The following GMDS variants were observed in gnomAD, a reference collection of about 807,000 sequenced individuals.
The protein encoded by GMDS is GDP-mannose 4,6 dehydratase.
In GMDS, 20 loss-of-function variants were observed where a neutral mutation model predicts 49.9. That is an observed-to-expected ratio of 0.40 (90% CI 0.28 to 0.58). The LOEUF is 0.58. GMDS is among the 20% of genes least tolerant of loss of function. The probability of loss-of-function intolerance (pLI) is 0.42; values close to 1 mark genes in which losing one functional copy is unlikely to be tolerated. For synonymous variants in GMDS, 177 were observed against 178.6 expected (o/e 0.99, Z 0.07); for missense variants, 362 against 481.4 (o/e 0.75, Z 2.32).
chr6:1,678,472 G>A (rs563914669), intron 9 of GMDS, among the ~76,000 whole-genome samples: 59 of 152,326 alleles, frequency 3.9e-4, no homozygotes, highest in African/African-American at 1.3e-3. Context: ...AGGAAGAGCT[G>A]CTGATTTTCA....
chr6:2,218,461 G>A (rs529766836), intron 1 of GMDS, among the ~76,000 whole-genome samples: 3 of 152,260 alleles, frequency 2.0e-5, no homozygotes, highest in East Asian at 1.9e-4. Context: ...CAGATCATCC[G>A]TAAATTACAA....
intron 1 of GMDS, among the ~76,000 whole-genome samples, chr6:2,241,251 T>C (rs905502572): frequency 8.5e-5 from 13 of 152,200 alleles, no homozygotes; most frequent in African/African-American, 3.1e-4. Context: ...ACAACCATTG[T>C]ATCTTGGAAA....
chr6:2,015,333 A>T (rs935745819), intron 4 of GMDS, among the ~76,000 whole-genome samples: 2 of 152,222 alleles, frequency 1.3e-5, no homozygotes, highest in Admixed American at 6.5e-5. Flanking sequence ...AAAAACAGAA[A>T]TTAAACTGTG....
At position 2,029,191 on chromosome 6, in the gene GMDS, C is replaced by T. The variant is rs891825540; in HGVS notation, c.346-68225G>A. Among the ~76,000 whole-genome samples, 3 of 152,056 alleles carry T rather than the reference C, an allele frequency of 2.0e-5. No homozygotes were observed. The South Asian group carries it at 6.2e-4, about 31-fold the overall frequency. On this transcript the variant is annotated intron_variant, in intron 4 of 10. Coordinates refer to ENST00000380815, the MANE Select transcript of GMDS (RefSeq NM_001500.4). ...ATCTAAATTTAATTGTGGACATCAC[C>T]TTTTGGCTTCTTCCATCTCTGCCTG...
At chr6:1,654,511 G>A (rs1187375860) in intron 9 of GMDS, among the ~76,000 whole-genome samples, 1 of 152,192 alleles carries the variant, frequency 6.6e-6, no homozygotes, top group African/African-American at 2.4e-5. Context: ...AGCCCATTAT[G>A]AAAAGACAAA....
At chr6:1,753,209 A>G (rs1362609734) in intron 7 of GMDS, among the ~76,000 whole-genome samples, 1 of 152,214 alleles carries the variant, frequency 6.6e-6, no homozygotes, top group African/African-American at 2.4e-5. Context: ...GCAAATGGAA[A>G]GCAAAAAAGA....
chr6:1,814,677 A>G (rs1770582165), intron 7 of GMDS, among the ~76,000 whole-genome samples: 1 of 152,208 alleles, frequency 6.6e-6, no homozygotes, highest in Non-Finnish European at 1.5e-5. Flanking sequence ...TATTTGACTG[A>G]TAACTTAAAA....
At chr6:2,101,653 C>T (rs1773932229) in intron 4 of GMDS, among the ~76,000 whole-genome samples, 1 of 151,904 alleles carries the variant, frequency 6.6e-6, no homozygotes, top group South Asian at 2.1e-4. Flanking sequence ...ATGTGTTTAT[C>T]TAAAATAAAG....
intron 9 of GMDS, among the ~76,000 whole-genome samples, chr6:1,634,815 G>A (rs958474465): frequency 2.0e-5 from 3 of 152,144 alleles, no homozygotes; most frequent in Non-Finnish European, 4.4e-5. Context: ...GCCTGGACAC[G>A]AGGGGTGGGG....
intron 7 of GMDS, among the ~76,000 whole-genome samples, chr6:1,840,510 G>C (rs2113745270): frequency 6.6e-6 from 1 of 152,330 alleles, no homozygotes; most frequent in East Asian, 1.9e-4. Context: ...AGGAAAACAG[G>C]AGCATGTATT....
intron 7 of GMDS, among the ~76,000 whole-genome samples, chr6:1,773,685 G>A (rs1263516903): frequency 6.6e-6 from 1 of 152,218 alleles, no homozygotes; most frequent in Admixed American, 6.5e-5. Context: ...GTCTGACACA[G>A]GAATTCTAAC....
intron 1 of GMDS, among the ~76,000 whole-genome samples, chr6:2,151,971 G>T (rs1776867147): frequency 6.6e-6 from 1 of 151,992 alleles, no homozygotes; most frequent in Non-Finnish European, 1.5e-5. Flanking sequence ...GCCTAAACTG[G>T]CATTTGCTAA....
At chr6:1,800,280 A>G (rs1769897195) in intron 7 of GMDS, among the ~76,000 whole-genome samples, 1 of 152,204 alleles carries the variant, frequency 6.6e-6, no homozygotes. Flanking sequence ...GCAACTCCAA[A>G]CACAGGTTGT....
At chr6:2,118,230 G>A (rs553345423) in intron 2 of GMDS, among the ~76,000 whole-genome samples, 1 of 152,252 alleles carries the variant, frequency 6.6e-6, no homozygotes, top group East Asian at 1.9e-4. Flanking sequence ...GGAATGTAAT[G>A]CATACTTGCC....
At chr6:1,779,870 A>C (rs1249856250) in intron 7 of GMDS, among the ~76,000 whole-genome samples, 1 of 152,272 alleles carries the variant, frequency 6.6e-6, no homozygotes, top group African/African-American at 2.4e-5. Context: ...CATATCAGGC[A>C]TATTTTAGTG....
intron 7 of GMDS, among the ~76,000 whole-genome samples, chr6:1,744,957 G>A (rs1767422654): frequency 6.6e-6 from 1 of 151,694 alleles, no homozygotes; most frequent in South Asian, 2.1e-4. Flanking sequence ...GCGCACGAGT[G>A]TACCCGTGGA....
chr6:2,076,543 G>C (rs535496135), intron 4 of GMDS, among the ~76,000 whole-genome samples: 1 of 152,128 alleles, frequency 6.6e-6, no homozygotes, highest in Non-Finnish European at 1.5e-5. Context: ...AAACAGCATG[G>C]TACTGGTACC....
chr6:2,061,718 C>CA (rs68037512), intron 4 of GMDS, among the ~76,000 whole-genome samples: 13,844 of 56,812 alleles, frequency 0.24, 2,394 homozygotes, highest in Non-Finnish European at 0.27. Context: ...GACTCTGTCT[C>CA]AAAAAAAAAA....
chr6:1,861,935 T>G (rs747490836), intron 7 of GMDS, among the ~76,000 whole-genome samples: 14 of 152,206 alleles, frequency 9.2e-5, no homozygotes, highest in Non-Finnish European at 1.5e-5. Context: ...TGTTAAAATC[T>G]GAACTGAAAG....
Sources: allele counts gnomAD v4.1 joint callset (sites outside exome capture counted in the v4.1 genomes callset), GRCh38; gene constraint gnomAD v4.1.1; transcripts MANE v1.5; gene names NCBI Gene and HGNC (gene_info 2026-07-23, HGNC 2026-07-21).